Variants in CADM2 observed in about 807,000 individuals in gnomAD.
CADM2 encodes immunoglobulin superfamily member 4D.
In CADM2, 12 loss-of-function variants were observed where a neutral mutation model predicts 49.8. The observed-to-expected ratio is 0.24, with a 90% CI of 0.15 to 0.39. The LOEUF (loss-of-function observed/expected upper bound fraction) is 0.39, where lower values mean the gene tolerates loss of function less well. Among genes scored for constraint, CADM2 ranks in the 10% least tolerant of loss-of-function variants. The probability of loss-of-function intolerance (pLI) is 1.00; values close to 1 mark genes in which losing one functional copy is unlikely to be tolerated. For synonymous variants in CADM2, 214 were observed against 175.4 expected (o/e 1.22, Z -1.74); for missense variants, 378 against 492.3 (o/e 0.77, Z 2.20).
At chr3:85,410,336 G>A (rs1052589935) in intron 1 of CADM2, among the ~76,000 whole-genome samples, 16 of 152,158 alleles carry the variant, frequency 1.1e-4, no homozygotes, top group African/African-American at 3.9e-4. Context: ...GCATTAGGGA[G>A]ACTATTAGGT....
intron 1 of CADM2, among the ~76,000 whole-genome samples, chr3:85,281,317 A>G (rs147696066): frequency 1.0e-3 from 155 of 152,088 alleles, no homozygotes; most frequent in African/African-American, 3.4e-3. Context: ...ACATGCAAAA[A>G]TGTAAAAGAT....
intron 1 of CADM2, among the ~76,000 whole-genome samples, chr3:85,717,206 C>T (rs1208419027): frequency 6.6e-6 from 1 of 151,884 alleles, no homozygotes; most frequent in Non-Finnish European, 1.5e-5. Context: ...TGAAGAGGTC[C>T]TTCACATCCC....
At chr3:85,450,147 A>G (rs575055586) in intron 1 of CADM2, among the ~76,000 whole-genome samples, 2 of 152,288 alleles carry the variant, frequency 1.3e-5, no homozygotes, top group Middle Eastern at 3.4e-3. Flanking sequence ...AAAACTATCA[A>G]CTAAAGACGA....
intron 1 of CADM2, among the ~76,000 whole-genome samples, chr3:85,629,777 C>T (rs1443652877): frequency 6.6e-6 from 1 of 151,946 alleles, no homozygotes; most frequent in Non-Finnish European, 1.5e-5. Flanking sequence ...TATGTATACA[C>T]AATAGGCCCA....
chr3:85,738,808 T>C (rs1458611741), intron 2 of CADM2, among the ~76,000 whole-genome samples: 9 of 152,182 alleles, frequency 5.9e-5, no homozygotes, highest in African/African-American at 2.2e-4. Flanking sequence ...CTTTATTTGT[T>C]CTATTTTAAA....
chr3:85,843,899 G>GA (rs1190643034), intron 3 of CADM2, among the ~76,000 whole-genome samples: 9 of 151,482 alleles, frequency 5.9e-5, no homozygotes, highest in African/African-American at 2.2e-4. Flanking sequence ...TGTGTGTGTG[G>GA]GGGGGGAGCG....
At chr3:85,740,289 C>T (rs529515145) in intron 2 of CADM2, among the ~76,000 whole-genome samples, 1 of 152,246 alleles carries the variant, frequency 6.6e-6, no homozygotes, top group African/African-American at 2.4e-5. Context: ...TGATTGTATG[C>T]CCTATCTGTA....
chr3:85,791,898 A>C (rs2108034659), intron 2 of CADM2, among the ~76,000 whole-genome samples: 1 of 151,870 alleles, frequency 6.6e-6, no homozygotes, highest in Middle Eastern at 3.4e-3. Flanking sequence ...AATTTTTTCT[A>C]CTTTTTAGTA....
At chr3:85,458,659 G>A (rs747752087) in intron 1 of CADM2, among the ~76,000 whole-genome samples, 1 of 152,150 alleles carries the variant, frequency 6.6e-6, no homozygotes, top group Non-Finnish European at 1.5e-5. Flanking sequence ...CCATAATCAT[G>A]TAGGAGCTAT....
chr3:85,009,309 A>G (rs1221409375), intron 1 of CADM2, among the ~76,000 whole-genome samples: 1 of 152,218 alleles, frequency 6.6e-6, no homozygotes, highest in Non-Finnish European at 1.5e-5. Flanking sequence ...GATAAATATG[A>G]GTGGAAGATA....
chr3:85,050,565 CATT>C (rs2035844781), intron 1 of CADM2, among the ~76,000 whole-genome samples: 1 of 151,950 alleles, frequency 6.6e-6, no homozygotes, highest in East Asian at 1.9e-4. Context: ...ATAGTATATG[CATT>C]TTAAAATTGA....
chr3:85,285,919 T>A (rs2043622936), intron 1 of CADM2, among the ~76,000 whole-genome samples: 1 of 152,116 alleles, frequency 6.6e-6, no homozygotes, highest in South Asian at 2.1e-4. Context: ...TGATGTGGAT[T>A]TGTCATAGAG....
intron 1 of CADM2, among the ~76,000 whole-genome samples, chr3:85,467,966 A>G (rs2038579477): frequency 6.6e-6 from 1 of 151,822 alleles, no homozygotes; most frequent in African/African-American, 2.4e-5. Context: ...CATCCCGGCT[A>G]AAACGGTGAA....
intron 1 of CADM2, among the ~76,000 whole-genome samples, chr3:85,086,812 A>G (rs2037399393): frequency 6.6e-6 from 1 of 152,078 alleles, no homozygotes; most frequent in South Asian, 2.1e-4. Flanking sequence ...TCCATCCAGA[A>G]TAAACTTTGT....
chr3:85,546,733 C>T (rs560748092), intron 1 of CADM2, among the ~76,000 whole-genome samples: 1 of 152,116 alleles, frequency 6.6e-6, no homozygotes, highest in Admixed American at 6.5e-5. Context: ...TATCTGTTTT[C>T]TTTATTGGTA....
chr3:86,070,640 A>G lies in CADM2; in HGVS notation c.*3857A>G, dbSNP rs933273256. ...CTGATAAAACAATACAAAACAAAAA[A>G]AAAGCAGTAATCACAGCCAAATAAA... On this transcript the variant is annotated 3_prime_UTR_variant, in exon 10 of 10. Coordinates refer to ENST00000383699, the MANE Select transcript of CADM2 (RefSeq NM_001167675.2). 3 of 151,532 alleles carry G rather than the reference A, an allele frequency of 2.0e-5. No homozygotes were observed. Among genetic ancestry groups the G allele is most frequent in the Non-Finnish European group, 4.4e-5 (3 of 67,768 alleles). The allele number at this position is 151,532 out of a possible 1,614,324, so 9.4% of individuals were successfully genotyped here.
At chr3:85,466,324 A>T (rs1259340930) in intron 1 of CADM2, among the ~76,000 whole-genome samples, 1 of 152,182 alleles carries the variant, frequency 6.6e-6, no homozygotes, top group Non-Finnish European at 1.5e-5. Flanking sequence ...TTATAATTTG[A>T]TCAAAGGTTA....
At chr3:85,666,792 G>A (rs1439540747) in intron 1 of CADM2, among the ~76,000 whole-genome samples, 3 of 151,876 alleles carry the variant, frequency 2.0e-5, no homozygotes, top group Admixed American at 2.0e-4. Context: ...TTCCTAGGTT[G>A]TATGGCAGGA....
intron 1 of CADM2, among the ~76,000 whole-genome samples, chr3:85,706,420 A>G (rs1359530093): frequency 6.6e-6 from 1 of 152,140 alleles, no homozygotes; most frequent in Non-Finnish European, 1.5e-5. Context: ...TCTGCTTGCA[A>G]TATATGTTGC....
Sources: gnomAD v4.1 joint callset for allele counts (sites outside exome capture counted in the v4.1 genomes callset) on GRCh38, gnomAD v4.1.1 for gene constraint, MANE v1.5 for transcripts, NCBI Gene and HGNC (gene_info 2026-07-23, HGNC 2026-07-21) for gene names.